Variants in OR5AN1 observed in about 807,000 individuals in gnomAD.
OR5AN1 encodes olfactory receptor family 5 subfamily AN member 1, also known as olfactory receptor 5AN1.
For synonymous variants in OR5AN1, 167 were observed against 131.8 expected (o/e 1.27, Z -1.83); for missense variants, 476 against 368.9 (o/e 1.29, Z -2.38).
chr11:59,364,837 A>G lies in OR5AN1; in HGVS notation c.379A>G (p.Ile127Val), dbSNP rs1437653857. ...TAMAYDRYAA[I>V]CNPLLYSSIM... The stretch of plus-strand genomic sequence containing the variant: ...CATGGCTTATGATCGTTATGCTGCC[A>G]TTTGTAACCCCCTGCTCTATTCATC... The change falls in exon 2 of 2, where the codon ATT becomes GTT. Residue 127 changes from isoleucine (I) to valine (V), a missense_variant. Ile to Val is a conservative substitution (Grantham distance 29, BLOSUM62 3). Coordinates refer to ENST00000641998, the MANE Select transcript of OR5AN1 (RefSeq NM_001004729.2). 2 of 1,613,824 alleles carry G rather than the reference A, an allele frequency of 1.2e-6. No individual in the cohort carries two copies. Among genetic ancestry groups the G allele is most frequent in the East Asian group, 2.2e-5 (1 of 44,886 alleles).
At position 59,371,080 on chromosome 11, in the gene OR5AN1, T is replaced by G. The variant is rs1378982583; in HGVS notation, c.*5686T>G. On this transcript the variant is annotated 3_prime_UTR_variant, in exon 2 of 2. Coordinates refer to ENST00000641998, the MANE Select transcript of OR5AN1 (RefSeq NM_001004729.2). ...GTATGTGGAGTATTCCTTTTTCTTT[T>G]AAACAAAGGTAAGACTAGACTTTCT... 5 of 152,174 alleles carry G rather than the reference T, an allele frequency of 3.3e-5. No individual in the cohort carries two copies. The highest frequency in any genetic ancestry group is 2.0e-4 in the Admixed American group (3 of 15,280). 9.4% of individuals were successfully genotyped at this position (152,174 alleles called of 1,614,324 possible). A position where few individuals can be genotyped will look rare whatever the true frequency, so the allele number is the denominator to read the frequency against.
intron 1 of OR5AN1, 61 bp downstream of exon 1, chr11:59,359,333 T>C (rs1406062842): frequency 2.0e-5 from 3 of 152,204 alleles, no homozygotes. Flanking sequence ...TGAACACTGC[T>C]ATCTTCTTCT....
In OR5AN1 at chr11:59,362,728, C is replaced by T. The variant is rs144892548; in HGVS notation, c.-13-1718C>T. ...GCAGAGTGAATGTACACTATCTATG[C>T]ATACCTTTGGTTGCTGCAATTACTT... On this transcript the variant is annotated intron_variant, in intron 1 of 1. Coordinates refer to ENST00000641998, the MANE Select transcript of OR5AN1 (RefSeq NM_001004729.2). 7.0e-3 allele frequency among the ~76,000 whole-genome samples: 1,060 copies of T among 152,338 alleles called. 22 individuals carry two copies. The highest frequency in any genetic ancestry group is 0.024 in the African/African-American group (1,014 of 41,578).
In OR5AN1 at chr11:59,369,187, T is replaced by C. The variant is rs1449914183; in HGVS notation, c.*3793T>C. 6.6e-6 allele frequency: 1 copy of C among 151,274 alleles called. No individual in the cohort carries two copies. Among genetic ancestry groups the C allele is most frequent in the Admixed American group, 6.6e-5 (1 of 15,184 alleles). The allele number at this position is 151,274 out of a possible 1,614,324, so 9.4% of individuals were successfully genotyped here. ...GAGAAAAAAAAAACAATGTAAGAAC[T>C]CTGGTAACTCAAATGGCCAAAATAT... On this transcript the variant is annotated 3_prime_UTR_variant, in exon 2 of 2. Coordinates refer to ENST00000641998, the MANE Select transcript of OR5AN1 (RefSeq NM_001004729.2).
chr11:59,364,592 C>T lies in OR5AN1; in HGVS notation c.134C>T (p.Ser45Phe). The T allele has an allele frequency of 1.9e-6, 3 of 1,613,908 alleles. No individual in the cohort carries two copies. The highest frequency in any genetic ancestry group is 2.2e-5 in the South Asian group (2 of 91,052). ...ATTACATCTCTGGCCTGGAACCTCTCCCTCATTGTTTTAATAAGGATGGAT... is the reference window on the plus strand; with the variant it reads ...ATTACATCTCTGGCCTGGAACCTCTTCCTCATTGTTTTAATAAGGATGGAT... ...IYITSLAWNL[S>F]LIVLIRMDSH... The change falls in exon 2 of 2, where the codon TCC (serine) becomes TTC (phenylalanine). Residue 45 changes from serine to phenylalanine, a missense_variant. Coordinates refer to ENST00000641998, the MANE Select transcript of OR5AN1 (RefSeq NM_001004729.2).
chr11:59,365,206 T>G lies in OR5AN1; in HGVS notation c.748T>G (p.Ser250Ala). ...CTGTGCTTCTCATCTAACAGCTGTT[T>G]CCCTCTTCTATACATCAGGAATCTT... ...NTCASHLTAV[S>A]LFYTSGIFVY... Residue 250 changes from serine to alanine, a missense_variant, in exon 2 of 2, where the codon TCC becomes GCC. Physicochemically the swap from Ser to Ala is moderately conservative, Grantham distance 99. Coordinates refer to ENST00000641998, the MANE Select transcript of OR5AN1 (RefSeq NM_001004729.2). The G allele has an allele frequency of 6.2e-7, 1 of 1,614,090 alleles. No individual in the cohort carries two copies. Among genetic ancestry groups the G allele is most frequent in the Non-Finnish European group, 8.5e-7 (1 of 1,179,988 alleles).
Position 59,359,252 on chromosome 11 carries a change from A to G in OR5AN1, c.-34A>G, listed in dbSNP as rs1857438401. The G allele has an allele frequency of 6.6e-6, 1 of 152,034 alleles. No homozygotes were observed. The highest frequency in any genetic ancestry group is 1.9e-4 in the East Asian group (1 of 5,186). The allele number at this position is 152,034 out of a possible 1,614,324, so 9.4% of individuals were successfully genotyped here. ...TACTCAACCTTCTGTAAAAAGAAAAACCTCAAACATAAAATTTCAGGTATT... is the reference window on the plus strand; with the variant it reads ...TACTCAACCTTCTGTAAAAAGAAAAGCCTCAAACATAAAATTTCAGGTATT... On this transcript the variant is annotated 5_prime_UTR_variant, in exon 1 of 2. Transcript: ENST00000641998.
rs985384832 is a variant in OR5AN1, at chr11:59,365,664, T to A, written c.*270T>A. 9.2e-6 allele frequency: 3 copies of A among 326,058 alleles called. No individual in the cohort carries two copies. Among genetic ancestry groups the A allele is most frequent in the African/African-American group, 6.4e-5 (3 of 46,698 alleles). 20.2% of individuals were successfully genotyped at this position (326,058 alleles called of 1,614,324 possible). ...TCATCATTTATGAATTTGTCCAAAA[T>A]TATTTGTGAAACAACAAGATTTAGA... is the stretch of plus-strand genomic sequence containing the variant. On this transcript the variant is annotated 3_prime_UTR_variant, in exon 2 of 2. Transcript: ENST00000641998.
Position 59,370,380 on chromosome 11 carries a change from GAC to G in OR5AN1, c.*4994_*4995del, listed in dbSNP as rs373059592. 1.3e-5 allele frequency: 2 copies of G among 152,278 alleles called. No individual in the cohort carries two copies. Among genetic ancestry groups the G allele is most frequent in the African/African-American group, 4.8e-5 (2 of 41,554 alleles). The allele number at this position is 152,278 out of a possible 1,614,324, so 9.4% of individuals were successfully genotyped here. A position where few individuals can be genotyped will look rare whatever the true frequency, so the allele number is the denominator to read the frequency against. ...TTCAAGAGACCCGTCTCACATGTAA[GAC>G]ACACACAGGCTCAAAATAAAGGGAA... is the stretch of plus-strand genomic sequence containing the variant. On this transcript the variant is annotated 3_prime_UTR_variant, in exon 2 of 2. Transcript: ENST00000641998.
chr11:59,363,648 GC>G (rs1421795681), intron 1 of OR5AN1, among the ~76,000 whole-genome samples: 3 of 152,286 alleles, frequency 2.0e-5, no homozygotes, highest in South Asian at 4.1e-4. Flanking sequence ...AACAGGGAAA[GC>G]AATTTTTCTA....
At chr11:59,359,643 G>A (rs184385277) in intron 1 of OR5AN1, 4 of 152,134 alleles carry the variant, frequency 2.6e-5, no homozygotes, top group East Asian at 3.9e-4. Flanking sequence ...ATGATATGAC[G>A]GAGTACTCCT....
In OR5AN1 at chr11:59,364,656, C is replaced by T. The variant is rs769944338; in HGVS notation, c.198C>T (p.Asn66=). 2 of 1,614,024 alleles carry T rather than the reference C, an allele frequency of 1.2e-6. No homozygotes were observed. The highest frequency in any genetic ancestry group is 1.7e-6 in the Non-Finnish European group (2 of 1,179,938). The change falls in exon 2 of 2, where the codon AAC becomes AAT. Residue 66 remains asparagine (N), a synonymous_variant. Coordinates refer to ENST00000641998, the MANE Select transcript of OR5AN1 (RefSeq NM_001004729.2). ...LHTPMYFFLS[N]LSFIDVCYIS... is the part of the protein sequence containing the mutation. ...CACCCATGTATTTCTTCCTCAGTAA[C>T]CTGTCCTTCATAGATGTCTGCTATA...
rs192590346 is a variant in OR5AN1 at position 59,371,020 on chromosome 11, C to T, written c.*5626C>T. Reference sequence around the variant, plus strand: ...TTTTCACATGTCCATGTGTTATCTACACACAATTGGGTTCTTTTGCTTTAA... The same window carrying T: ...TTTTCACATGTCCATGTGTTATCTATACACAATTGGGTTCTTTTGCTTTAA... On this transcript the variant is annotated 3_prime_UTR_variant, in exon 2 of 2. Coordinates refer to ENST00000641998, the MANE Select transcript of OR5AN1 (RefSeq NM_001004729.2). 6.6e-6 allele frequency: 1 copy of T among 152,258 alleles called. No individual in the cohort carries two copies. Among genetic ancestry groups the T allele is most frequent in the East Asian group, 1.9e-4 (1 of 5,188 alleles). 9.4% of individuals were successfully genotyped at this position (152,258 alleles called of 1,614,324 possible).
rs187568922 is a variant in OR5AN1, at chr11:59,370,971, G to A, written c.*5577G>A. On this transcript the variant is annotated 3_prime_UTR_variant, in exon 2 of 2. Coordinates refer to ENST00000641998, the MANE Select transcript of OR5AN1 (RefSeq NM_001004729.2). Reference sequence around the variant, plus strand: ...TGAGATAACCTCTGTGATAGCTCTAGGCTGTTATCTTGTAGGCTTTTTCTT... The same window carrying A: ...TGAGATAACCTCTGTGATAGCTCTAAGCTGTTATCTTGTAGGCTTTTTCTT... 6.6e-6 allele frequency: 1 copy of A among 152,282 alleles called. No homozygotes were observed. The highest frequency in any genetic ancestry group is 2.4e-5 in the African/African-American group (1 of 41,566). 9.4% of individuals were successfully genotyped at this position (152,282 alleles called of 1,614,324 possible). A position where few individuals can be genotyped will look rare whatever the true frequency, so the allele number is the denominator to read the frequency against.
At chr11:59,360,563 C>T (rs1857451807) in intron 1 of OR5AN1, among the ~76,000 whole-genome samples, 1 of 152,126 alleles carries the variant, frequency 6.6e-6, no homozygotes, top group African/African-American at 2.4e-5. Context: ...AGCTATTTTT[C>T]CTAATGCTCT....
In OR5AN1 at chr11:59,364,801, C is replaced by T. The variant is rs764964650; in HGVS notation, c.343C>T (p.Leu115Phe). Residue 115 changes from leucine to phenylalanine, a missense_variant, in exon 2 of 2, where the codon CTC (leucine) becomes TTC (phenylalanine). Leu to Phe is a conservative substitution (Grantham distance 22). Transcript: ENST00000641998. ...FSTMGLSESC[L>F]MTAMAYDRYA... ...AACGATGGGACTGAGTGAGTCTTGTCTCATGACAGCCATGGCTTATGATCG... is the reference window on the plus strand; with the variant it reads ...AACGATGGGACTGAGTGAGTCTTGTTTCATGACAGCCATGGCTTATGATCG... The T allele has an allele frequency of 2.5e-6, 4 of 1,613,894 alleles. No individual in the cohort carries two copies. The African/African-American group carries it at 5.3e-5, about 22-fold the overall frequency.
chr11:59,364,472 G>A lies in OR5AN1; in HGVS notation c.14G>A (p.Gly5Glu). The A allele has an allele frequency of 1.9e-6, 3 of 1,608,422 alleles. No homozygotes were observed. Among genetic ancestry groups the A allele is most frequent in the Non-Finnish European group, 2.5e-6 (3 of 1,176,876 alleles). Residue 5 changes from glycine (G) to glutamate (E), a missense_variant, in exon 2 of 2, where the codon GGA becomes GAA. Gly to Glu is a moderately conservative substitution (Grantham distance 98). Transcript: ENST00000641998. ...AGCACTGAGCCAATGACTGGGGGAG[G>A]AAATATTACAGAAATCACCTATTTC... MTGG[G>E]NITEITYFIL...
chr11:59,367,368 G>A lies in OR5AN1; in HGVS notation c.*1974G>A, dbSNP rs957539677. On this transcript the variant is annotated 3_prime_UTR_variant, in exon 2 of 2. Transcript: ENST00000641998. ...GCAGAGCAGCCACTCAGGCCAGCATGGAGTCCTCGAAGGCTTAGATACTTG... is the reference window on the plus strand; with the variant it reads ...GCAGAGCAGCCACTCAGGCCAGCATAGAGTCCTCGAAGGCTTAGATACTTG... 2.0e-5 allele frequency: 3 copies of A among 152,450 alleles called. No individual in the cohort carries two copies. The highest frequency in any genetic ancestry group is 1.3e-4 in the Admixed American group (2 of 15,278). 9.4% of individuals were successfully genotyped at this position (152,450 alleles called of 1,614,324 possible).
chr11:59,365,137 A>G lies in OR5AN1; in HGVS notation c.679A>G (p.Met227Val). Reference protein sequence around the residue: ...ISYGYIGISIMKITSAKGRSK... With the variant: ...ISYGYIGISIVKITSAKGRSK... Reference sequence around the variant, plus strand: ...CTATGGCTATATTGGCATCTCCATCATGAAGATCACTTCAGCTAAAGGCAG... The same window carrying G: ...CTATGGCTATATTGGCATCTCCATCGTGAAGATCACTTCAGCTAAAGGCAG... The change falls in exon 2 of 2, where the codon ATG becomes GTG. Residue 227 changes from methionine (M) to valine (V), a missense_variant. By Grantham distance (21) the Met-to-Val change is conservative. Transcript: ENST00000641998. The G allele has an allele frequency of 6.2e-7, 1 of 1,614,104 alleles. No homozygotes were observed. Among genetic ancestry groups the G allele is most frequent in the Non-Finnish European group, 8.5e-7 (1 of 1,180,000 alleles).
Sources: gnomAD v4.1 joint callset for allele counts (sites outside exome capture counted in the v4.1 genomes callset) on GRCh38, gnomAD v4.1.1 for gene constraint, MANE v1.5 for transcripts, NCBI Gene and HGNC (gene_info 2026-07-23, HGNC 2026-07-21) for gene names.